GABRB3: variants seen among roughly 807,000 people sequenced by gnomAD.
GABRB3 encodes the protein gamma-aminobutyric acid type A receptor subunit beta3.
A neutral mutation model predicts 52.1 loss-of-function variants in GABRB3; 14 were observed. The observed-to-expected ratio is 0.27, with a 90% confidence interval of 0.18 to 0.42. GABRB3 has a LOEUF of 0.42. Ranked by LOEUF, GABRB3 falls within the 10% of genes least tolerant of loss-of-function variation. GABRB3 has a pLI of 1.00. For synonymous variants in GABRB3, 260 were observed against 232.3 expected, an observed-to-expected ratio of 1.12 and a Z score of -1.08; for missense variants, 307 against 609.1, an observed-to-expected ratio of 0.50 and a Z score of 5.22.
At chr15:26,695,292 T>C (rs561546286) in intron 3 of GABRB3, among the ~76,000 whole-genome samples, 20 of 152,184 alleles carry the variant, frequency 1.3e-4, no homozygotes, top group South Asian at 2.1e-4. Context: ...ACGTTGTCTA[T>C]AGAAGAACAA....
chr15:26,582,485 T>C (rs899821364), intron 5 of GABRB3, among the ~76,000 whole-genome samples: 2 of 152,214 alleles, frequency 1.3e-5, no homozygotes, highest in African/African-American at 2.4e-5. Flanking sequence ...ACATGGCTTA[T>C]GTCTTTCTTA....
chr15:26,683,919 G>A (rs1214862920), intron 3 of GABRB3, among the ~76,000 whole-genome samples: 1 of 152,114 alleles, frequency 6.6e-6, no homozygotes, highest in East Asian at 1.9e-4. Context: ...AACTGACCTA[G>A]GAGGAGGAGG....
At chr15:26,726,990 C>T (rs1889790862) in intron 3 of GABRB3, among the ~76,000 whole-genome samples, 1 of 152,184 alleles carries the variant, frequency 6.6e-6, no homozygotes, top group Admixed American at 6.5e-5. Context: ...GAAACCTCAT[C>T]TCTACTAAAA....
At chr15:26,732,975 G>A (rs995103878) in intron 3 of GABRB3, among the ~76,000 whole-genome samples, 1 of 148,242 alleles carries the variant, frequency 6.7e-6, no homozygotes, top group Non-Finnish European at 1.5e-5. Context: ...TCCAGCCTGA[G>A]TGACAGAGTA....
chr15:26,734,023 CTTTTTT>C (rs61468831), intron 3 of GABRB3, among the ~76,000 whole-genome samples: 5 of 73,386 alleles, frequency 6.8e-5, no homozygotes, highest in African/African-American at 1.9e-4. Context: ...AACTATAGGG[CTTTTTT>C]TTTTTTTTTT....
intron 3 of GABRB3, among the ~76,000 whole-genome samples, chr15:26,761,113 G>A (rs187544386): frequency 3.3e-4 from 50 of 152,300 alleles, no homozygotes; most frequent in Admixed American, 2.9e-3. Context: ...TACAAAATTA[G>A]GCCAGGCGCG....
chr15:26,682,457 C>T (rs1420262193), intron 3 of GABRB3, among the ~76,000 whole-genome samples: 2 of 152,184 alleles, frequency 1.3e-5, no homozygotes, highest in Non-Finnish European at 2.9e-5. Context: ...ACTGACATAA[C>T]CCCATGCAGG....
chr15:26,672,788 C>T (rs959530089), intron 3 of GABRB3, among the ~76,000 whole-genome samples: 1 of 151,920 alleles, frequency 6.6e-6, no homozygotes, highest in Non-Finnish European at 1.5e-5. Context: ...AGCAGATGCG[C>T]AATGTTTACA....
At chr15:26,711,277 G>C (rs1431074017) in intron 3 of GABRB3, among the ~76,000 whole-genome samples, 1 of 152,100 alleles carries the variant, frequency 6.6e-6, no homozygotes, top group Non-Finnish European at 1.5e-5. Context: ...ATGTCGGCTG[G>C]TCTTGAAGAC....
Position 26,726,828 on chromosome 15 carries a change from GGGAGATACCTT to G in GABRB3, c.240+45563_240+45573del, listed in dbSNP as rs370723286. ...TTTCGCAATTAAGAGGCATTATGTG[GGGAGATACCTT>G]GAGATTGTGCAGGTATTTTATTTCT... On this transcript the variant is annotated intron_variant, in intron 3 of 8. Coordinates refer to ENST00000311550, the MANE Select transcript of GABRB3 (RefSeq NM_000814.6). 6.8e-3 allele frequency among the ~76,000 whole-genome samples: 1,033 copies of G among 152,180 alleles called. 12 individuals carry two copies. The highest frequency in any genetic ancestry group is 0.024 in the African/African-American group (984 of 41,516).
rs1889134134 is a variant in GABRB3, at chr15:26,544,144, T to C, written c.*3649A>G. 2.0e-5 allele frequency: 3 copies of C among 152,406 alleles called. No homozygotes were observed. 9.4% of individuals were successfully genotyped at this position (152,406 alleles called of 1,614,324 possible). On this transcript the variant is annotated 3_prime_UTR_variant, in exon 9 of 9. Coordinates refer to ENST00000311550, the MANE Select transcript of GABRB3 (RefSeq NM_000814.6). Reference sequence around the variant, plus strand: ...TAAAATGGCCAGAAATATGAACTGGTTTTCAGGTGGAGAGTTAAAATAAGA... The same window carrying C: ...TAAAATGGCCAGAAATATGAACTGGCTTTCAGGTGGAGAGTTAAAATAAGA...
intron 3 of GABRB3, among the ~76,000 whole-genome samples, chr15:26,701,274 T>C (rs957225870): frequency 6.6e-6 from 1 of 151,590 alleles, no homozygotes; most frequent in African/African-American, 2.4e-5. Flanking sequence ...GGGAAAAAAA[T>C]AGAGAGAAAA....
chr15:26,761,772 GCTA>G (rs1314477887), intron 3 of GABRB3, among the ~76,000 whole-genome samples: 10 of 152,238 alleles, frequency 6.6e-5, no homozygotes, highest in African/African-American at 2.4e-4. Flanking sequence ...TCCAAATTAA[GCTA>G]CTATTGTTGA....
At chr15:26,702,701 C>G (rs1365226) in intron 3 of GABRB3, among the ~76,000 whole-genome samples, 1 of 152,108 alleles carries the variant, frequency 6.6e-6, no homozygotes, top group Non-Finnish European at 1.5e-5. Flanking sequence ...CCAATACACC[C>G]CTGAGTATTT....
intron 7 of GABRB3, among the ~76,000 whole-genome samples, chr15:26,562,548 C>A (rs1026145041): frequency 6.6e-6 from 1 of 152,238 alleles, no homozygotes; most frequent in Admixed American, 6.5e-5. Flanking sequence ...TACTCTGGGA[C>A]GGAGCCCAGG....
chr15:26,685,559 A>G (rs1486768564), intron 3 of GABRB3, among the ~76,000 whole-genome samples: 1 of 152,184 alleles, frequency 6.6e-6, no homozygotes, highest in Non-Finnish European at 1.5e-5. Flanking sequence ...GAAAAAAATG[A>G]GATAGTTTTA....
At chr15:26,641,207 T>C (rs1893191696) in intron 3 of GABRB3, among the ~76,000 whole-genome samples, 3 of 152,232 alleles carry the variant, frequency 2.0e-5, no homozygotes, top group Admixed American at 2.0e-4. Flanking sequence ...TATACCTTTA[T>C]GAATGACAGC....
At chr15:26,586,686 CAAA>C (rs1179931462) in intron 4 of GABRB3, among the ~76,000 whole-genome samples, 6 of 98,676 alleles carry the variant, frequency 6.1e-5, no homozygotes, top group African/African-American at 2.5e-4. Flanking sequence ...GACTCCATCT[CAAA>C]AAAAAAAAAA....
At chr15:26,713,294 T>C (rs80087415) in intron 3 of GABRB3, among the ~76,000 whole-genome samples, 17 of 152,216 alleles carry the variant, frequency 1.1e-4, no homozygotes, top group African/African-American at 4.1e-4. Flanking sequence ...CTTGATAACC[T>C]TTTTATTATT....
Sources: allele counts gnomAD v4.1 joint callset (sites outside exome capture counted in the v4.1 genomes callset), GRCh38; gene constraint gnomAD v4.1.1; transcripts MANE v1.5; gene names NCBI Gene and HGNC (gene_info 2026-07-23, HGNC 2026-07-21).